MCM10: variants seen among roughly 807,000 people sequenced by gnomAD.
MCM10 encodes protein MCM10 homolog.
In MCM10, 91 loss-of-function variants were observed where a neutral mutation model predicts 109.9. The observed-to-expected ratio is 0.83, with a 90% CI of 0.70 to 0.99. The LOEUF is 0.99. Among genes scored for constraint, MCM10 ranks in the 50% least tolerant of loss-of-function variants. MCM10 has a pLI of 0.00. For missense variants in MCM10, 1,077 were observed against 1,061.2 expected, an observed-to-expected ratio of 1.01 and a Z score of -0.21; for synonymous variants, 380 against 387.2, an observed-to-expected ratio of 0.98 and a Z score of 0.22.
intron 1 of MCM10, among the ~76,000 whole-genome samples, chr10:13,162,613 T>G (rs1210240523): frequency 6.6e-6 from 1 of 152,064 alleles, no homozygotes; most frequent in Non-Finnish European, 1.5e-5. Context: ...GGCCGTGGAT[T>G]TGAGGGCGAG....
chr10:13,181,035 T>C (rs954355800), intron 7 of MCM10, among the ~76,000 whole-genome samples: 10 of 152,244 alleles, frequency 6.6e-5, no homozygotes, highest in Non-Finnish European at 1.3e-4. Context: ...CCGTGTGATA[T>C]ATTTAATTTG....
intron 14 of MCM10, chr10:13,195,582 G>GTTTA (rs71386164): frequency 0.12 from 17,501 of 148,202 alleles, 1,188 homozygotes; most frequent in Admixed American, 0.17. Flanking sequence ...CTTTTTTTAC[G>GTTTA]TTTATTTATT....
rs114656409 is a variant in MCM10 at position 13,192,360 on chromosome 10, C to A, written c.1622C>A (p.Ala541Asp). Residue 541 changes from alanine (A) to aspartate (D), a missense_variant, in exon 12 of 20, where the codon GCT becomes GAT. Physicochemically the swap from Ala to Asp is moderately radical, Grantham distance 126. Transcript: ENST00000378714. ...NLKQHLAKAT[A>D]SGIMGSPKPA... ...AAACAACATTTAGCCAAAGCCACAG[C>A]TTCAGGTACCATCAGCTGCATGGCC... The A allele has an allele frequency of 6.2e-7, 1 of 1,612,872 alleles. No individual in the cohort carries two copies. The highest frequency in any genetic ancestry group is 1.1e-5 in the South Asian group (1 of 90,780).
At position 13,172,261 on chromosome 10, in the gene MCM10, G is replaced by C; in HGVS notation, c.350-115G>C. On this transcript the variant is annotated intron_variant, in intron 3 of 19. Transcript: ENST00000378714. The surrounding 1 kb of genome is among the most constrained non-coding windows in gnomAD (Gnocchi z 5.2). Reference sequence around the variant, plus strand: ...TGAGCTTTGGGTATGTGATTATATTGTGGGTCTCAAGGTATTGGGGCAGGG... The same window carrying C: ...TGAGCTTTGGGTATGTGATTATATTCTGGGTCTCAAGGTATTGGGGCAGGG... The C allele has an allele frequency of 4.2e-6, 3 of 711,808 alleles. No homozygotes were observed. The highest frequency in any genetic ancestry group is 5.0e-6 in the Non-Finnish European group (2 of 397,708). 44.1% of individuals were successfully genotyped at this position (711,808 alleles called of 1,614,324 possible).
Position 13,170,939 on chromosome 10 carries a change from T to C in MCM10, c.25T>C (p.Ser9Pro), listed in dbSNP as rs1452408119. The C allele has an allele frequency of 6.2e-7, 1 of 1,613,808 alleles. No homozygotes were observed. Among genetic ancestry groups the C allele is most frequent in the Non-Finnish European group, 8.5e-7 (1 of 1,179,682 alleles). Reference protein sequence around the residue: MDEEEDNLSLLTALLEENE... With the variant: MDEEEDNLPLLTALLEENE... Reference sequence around the variant, plus strand: ...TCCCCTAGAGGAGGAAGACAATCTGTCTCTGCTGACCGCACTGCTGGAAGA... The same window carrying C: ...TCCCCTAGAGGAGGAAGACAATCTGCCTCTGCTGACCGCACTGCTGGAAGA... Residue 9 changes from serine (S) to proline (P), a missense_variant, in exon 3 of 20, where the codon TCT becomes CCT. Coordinates refer to ENST00000378714, the MANE Select transcript of MCM10 (RefSeq NM_018518.5).
chr10:13,208,608 G>A (rs1229609259), intron 18 of MCM10, among the ~76,000 whole-genome samples: 2 of 150,466 alleles, frequency 1.3e-5, no homozygotes, highest in Non-Finnish European at 3.0e-5. Flanking sequence ...GTGAGTAAAG[G>A]CTTTTGGGTT....
chr10:13,194,356 C>T (rs1404217331), intron 13 of MCM10, among the ~76,000 whole-genome samples: 1 of 152,130 alleles, frequency 6.6e-6, no homozygotes, highest in Non-Finnish European at 1.5e-5. Flanking sequence ...AAGCAAGACC[C>T]TGTCTCCAAA....
chr10:13,201,394 G>T, intron 16 of MCM10, 27 bp from the exon 17 acceptor site: 7 of 1,454,714 alleles, frequency 4.8e-6, no homozygotes, highest in Non-Finnish European at 6.7e-6. Context: ...TTAGTACCAG[G>T]TCTTTCATTA....
At chr10:13,163,984 G>A (rs953744699) in intron 1 of MCM10, 144 bp from the exon 2 acceptor site, 1 of 367,808 alleles carries the variant, frequency 2.7e-6, no homozygotes, top group African/African-American at 2.1e-5. Context: ...GCGGTGTGGA[G>A]AGAGGAGGTG....
rs1483754424 is a variant in MCM10 at position 13,201,439 on chromosome 10, G to T, written c.2257G>T (p.Glu753Ter). 1 of 1,612,530 alleles carries T rather than the reference G, an allele frequency of 6.2e-7. No homozygotes were observed. The highest frequency in any genetic ancestry group is 1.3e-5 in the African/African-American group (1 of 74,860). The change falls in exon 17 of 20, where the codon GAG becomes TAG. Residue 753 changes from glutamate to a stop codon, truncating the protein, a stop_gained. Coordinates refer to ENST00000378714, the MANE Select transcript of MCM10 (RefSeq NM_018518.5). LOFTEE classifies it high-confidence loss of function. ...ATTCCAGGCCGAGGCTGAGATGCAGGAGCGCTACTTTGAGCCACTGGTGAA... is the reference window on the plus strand; with the variant it reads ...ATTCCAGGCCGAGGCTGAGATGCAGTAGCGCTACTTTGAGCCACTGGTGAA... ...ILKEAEAEMQERYFEPLVKKE... is the reference protein window; with the variant it reads ...ILKEAEAEMQ
rs893381863 is a variant in MCM10 at position 13,182,316 on chromosome 10, GA to G, written c.931-607del. ...TAGTGAGACCTCATCTCTATGAAAA[GA>G]AAAAAAAAATTAGCTGGGGCTGGTA... On this transcript the variant is annotated intron_variant, in intron 7 of 19. Coordinates refer to ENST00000378714, the MANE Select transcript of MCM10 (RefSeq NM_018518.5). The surrounding 1 kb of genome is among the most constrained non-coding windows in gnomAD (Gnocchi z 4.2). 4.0e-5 allele frequency among the ~76,000 whole-genome samples: 6 copies of G among 148,448 alleles called. No individual in the cohort carries two copies. Among genetic ancestry groups the G allele is most frequent in the Admixed American group, 1.3e-4 (2 of 14,918 alleles).
intron 6 of MCM10, among the ~76,000 whole-genome samples, chr10:13,178,349 A>C (rs1204656244): frequency 6.6e-6 from 1 of 152,208 alleles, no homozygotes; most frequent in Non-Finnish European, 1.5e-5. Context: ...TCGGCCTCCC[A>C]AAGTGCTGGG....
At chr10:13,167,804 A>G (rs116963467) in intron 2 of MCM10, among the ~76,000 whole-genome samples, 6,392 of 152,314 alleles carry the variant, frequency 0.042, 179 homozygotes, top group Admixed American at 0.076. Context: ...TATTCTAGAC[A>G]TTGCCATGTG....
At chr10:13,165,446 T>A (rs1466984690) in intron 2 of MCM10, among the ~76,000 whole-genome samples, 2 of 152,240 alleles carry the variant, frequency 1.3e-5, no homozygotes, top group African/African-American at 4.8e-5. Flanking sequence ...GCAAATTGCC[T>A]ACAGGGCAGG....
intron 17 of MCM10, 55 bp from the exon 18 acceptor site, chr10:13,204,164 A>C: frequency 6.3e-7 from 1 of 1,589,408 alleles, no homozygotes; most frequent in Non-Finnish European, 8.6e-7. Context: ...GCAGCTGAGC[A>C]TTTGTCCTCA....
intron 6 of MCM10, among the ~76,000 whole-genome samples, chr10:13,179,655 A>C (rs1218161852): frequency 6.6e-6 from 1 of 152,188 alleles, no homozygotes. Context: ...TTTTTGACTC[A>C]GTCATTAGGA....
chr10:13,202,196 A>G (rs1271314700), intron 17 of MCM10, among the ~76,000 whole-genome samples: 3 of 152,076 alleles, frequency 2.0e-5, no homozygotes, highest in Non-Finnish European at 4.4e-5. Context: ...CCATCTCAAC[A>G]AAAAATAAAA....
chr10:13,208,507 A>T (rs1458266222), intron 18 of MCM10, among the ~76,000 whole-genome samples: 1 of 151,078 alleles, frequency 6.6e-6, no homozygotes, highest in African/African-American at 2.4e-5. Context: ...AGGCAGGCAG[A>T]TCACTTGTGC....
chr10:13,183,144 A>G, intron 8 of MCM10, 44 bp downstream of exon 8: 1 of 1,588,872 alleles, frequency 6.3e-7, no homozygotes, highest in East Asian at 2.2e-5. Flanking sequence ...TGTCTTTACA[A>G]GTTAACTGAG....
Sources: gnomAD v4.1 joint callset for allele counts (sites outside exome capture counted in the v4.1 genomes callset) on GRCh38, gnomAD v4.1.1 for gene constraint, Gnocchi (gnomAD v3.1) non-coding constraint, MANE v1.5 for transcripts, NCBI Gene and HGNC (gene_info 2026-07-23, HGNC 2026-07-21) for gene names.